The following GPR39 variants were observed in gnomAD, a reference collection of about 807,000 sequenced individuals.
GPR39 encodes G protein-coupled receptor 39, also known as zinc sensing receptor.
A neutral mutation model predicts 18.4 loss-of-function variants in GPR39; 23 were observed. That is an observed-to-expected ratio of 1.25 (90% CI 0.90 to 1.77). The LOEUF (loss-of-function observed/expected upper bound fraction) is 1.77. Among genes scored for constraint, GPR39 ranks in the 40% most tolerant of loss-of-function variants. GPR39 has a pLI of 0.00. For missense variants in GPR39, 647 were observed against 602.4 expected (o/e 1.07, Z -0.78); for synonymous variants, 280 against 257.9 (o/e 1.09, Z -0.82).
At chr2:132,606,978 G>A (rs1340426080) in intron 1 of GPR39, among the ~76,000 whole-genome samples, 2 of 152,198 alleles carry the variant, frequency 1.3e-5, no homozygotes, top group African/African-American at 4.8e-5. Flanking sequence ...CCACCTTCAG[G>A]GAAGATAGTT....
chr2:132,609,527 A>G (rs948720070), intron 1 of GPR39, among the ~76,000 whole-genome samples: 8 of 152,140 alleles, frequency 5.3e-5, no homozygotes, highest in Non-Finnish European at 1.2e-4. Flanking sequence ...GTTCTTAATT[A>G]CTATTCTAGA....
chr2:132,488,252 A>T (rs1681382996), intron 1 of GPR39, among the ~76,000 whole-genome samples: 1 of 152,210 alleles, frequency 6.6e-6, no homozygotes, highest in African/African-American at 2.4e-5. Flanking sequence ...CAACATCTCA[A>T]CTTGACCAGA....
At chr2:132,606,831 G>T (rs750830310) in intron 1 of GPR39, among the ~76,000 whole-genome samples, 1 of 152,138 alleles carries the variant, frequency 6.6e-6, no homozygotes, top group African/African-American at 2.4e-5. Context: ...CCCTGTGGTC[G>T]GGCCGCTCAA....
intron 1 of GPR39, among the ~76,000 whole-genome samples, chr2:132,570,240 CT>C: frequency 6.6e-6 from 1 of 152,108 alleles, no homozygotes; most frequent in Non-Finnish European, 1.5e-5. Flanking sequence ...CTCTCTGTCC[CT>C]TCTGTCACTT....
At chr2:132,631,617 T>G (rs1418594865) in intron 1 of GPR39, among the ~76,000 whole-genome samples, 1 of 152,178 alleles carries the variant, frequency 6.6e-6, no homozygotes, top group Non-Finnish European at 1.5e-5. Flanking sequence ...TTTTTCTGCC[T>G]CTGGTCCTGG....
In GPR39 at chr2:132,646,536, A is replaced by C. The variant is rs530592677; in HGVS notation, c.*930A>C. 180 of 372,152 alleles carry C rather than the reference A, an allele frequency of 4.8e-4. No homozygotes were observed. The highest frequency in any genetic ancestry group is 8.1e-4 in the Non-Finnish European group (170 of 210,128). 23.1% of individuals were successfully genotyped at this position (372,152 alleles called of 1,614,324 possible). A position where few individuals can be genotyped will look rare whatever the true frequency, so the allele number is the denominator to read the frequency against. The stretch of plus-strand genomic sequence containing the variant: ...TGCCAATACCTGTGAATACCTGTTA[A>C]TAAAGAGCTGTTAAATAGACTTATT... On this transcript the variant is annotated 3_prime_UTR_variant, in exon 2 of 2. Transcript: ENST00000329321.
intron 1 of GPR39, among the ~76,000 whole-genome samples, chr2:132,598,570 T>G (rs115825383): frequency 4.0e-5 from 6 of 151,852 alleles, no homozygotes; most frequent in African/African-American, 1.2e-4. Flanking sequence ...ACTGAATTCC[T>G]TGTTCTAGAG....
intron 1 of GPR39, among the ~76,000 whole-genome samples, chr2:132,564,541 TTC>T (rs1341627138): frequency 6.6e-6 from 1 of 152,124 alleles, no homozygotes; most frequent in East Asian, 1.9e-4. Flanking sequence ...GGAGAGGACA[TTC>T]TGTTTTCTCA....
chr2:132,599,086 T>G (rs1680997368), intron 1 of GPR39, among the ~76,000 whole-genome samples: 2 of 152,036 alleles, frequency 1.3e-5, no homozygotes, highest in African/African-American at 2.4e-5. Flanking sequence ...ATGGTTTATG[T>G]GTTCTCTACT....
At chr2:132,619,492 C>T (rs1458126859) in intron 1 of GPR39, among the ~76,000 whole-genome samples, 1 of 152,104 alleles carries the variant, frequency 6.6e-6, no homozygotes, top group Admixed American at 6.6e-5. Flanking sequence ...ACAGAACGGC[C>T]AAGAAACCAA....
At chr2:132,419,717 T>G (rs1472807955) in intron 1 of GPR39, among the ~76,000 whole-genome samples, 1 of 152,226 alleles carries the variant, frequency 6.6e-6, no homozygotes, top group Non-Finnish European at 1.5e-5. Context: ...TAATTTATAC[T>G]TTAGTGTGAG....
At chr2:132,565,910 A>G (rs1216632340) in intron 1 of GPR39, among the ~76,000 whole-genome samples, 1 of 149,502 alleles carries the variant, frequency 6.7e-6, no homozygotes, top group Admixed American at 6.7e-5. Context: ...ATTTGGGTAT[A>G]TACCCAGTAA....
At chr2:132,537,160 G>A (rs1476777930) in intron 1 of GPR39, among the ~76,000 whole-genome samples, 2 of 152,188 alleles carry the variant, frequency 1.3e-5, no homozygotes, top group Non-Finnish European at 2.9e-5. Context: ...TTTCTTCATA[G>A]TGTCATTGGT....
At chr2:132,551,549 A>G (rs1425089736) in intron 1 of GPR39, among the ~76,000 whole-genome samples, 2 of 152,172 alleles carry the variant, frequency 1.3e-5, no homozygotes, top group Non-Finnish European at 2.9e-5. Flanking sequence ...TGATGCAAGG[A>G]TGGGCAGTGG....
chr2:132,589,568 G>A (rs999329939), intron 1 of GPR39, among the ~76,000 whole-genome samples: 2 of 152,126 alleles, frequency 1.3e-5, no homozygotes, highest in Non-Finnish European at 2.9e-5. Context: ...CTGCATACTC[G>A]GGCACATTAG....
chr2:132,422,059 A>AT (rs1196091358), intron 1 of GPR39, among the ~76,000 whole-genome samples: 2 of 152,214 alleles, frequency 1.3e-5, no homozygotes, highest in Admixed American at 1.3e-4. Context: ...AATTCTTATA[A>AT]TGATTATTCA....
chr2:132,607,395 A>G (rs982812955), intron 1 of GPR39, among the ~76,000 whole-genome samples: 3 of 152,186 alleles, frequency 2.0e-5, no homozygotes, highest in Non-Finnish European at 2.9e-5. Flanking sequence ...GGAGTATGAA[A>G]TCCAGAGTTA....
At chr2:132,494,576 A>G (rs1681602384) in intron 1 of GPR39, among the ~76,000 whole-genome samples, 1 of 152,120 alleles carries the variant, frequency 6.6e-6, no homozygotes, top group South Asian at 2.1e-4. Flanking sequence ...AATTGTTTTC[A>G]TCACACGGAC....
chr2:132,580,263 G>T (rs1573678973), intron 1 of GPR39, among the ~76,000 whole-genome samples: 1 of 152,244 alleles, frequency 6.6e-6, no homozygotes, highest in Non-Finnish European at 1.5e-5. Flanking sequence ...TTGCATCTCA[G>T]TTGGATTAAG....
Sources: allele counts gnomAD v4.1 joint callset (sites outside exome capture counted in the v4.1 genomes callset), GRCh38; gene constraint gnomAD v4.1.1; transcripts MANE v1.5; gene names NCBI Gene and HGNC (gene_info 2026-07-23, HGNC 2026-07-21).